The following BMPR2 variants were observed in gnomAD, a reference collection of about 807,000 sequenced individuals.
BMPR2 encodes bone morphogenetic protein receptor type-2.
A neutral mutation model predicts 100.8 loss-of-function variants in BMPR2; 29 were observed. That is an observed-to-expected ratio of 0.29 (90% confidence interval 0.21 to 0.39). The LOEUF is 0.39. Among genes scored for constraint, BMPR2 ranks in the 10% least tolerant of loss-of-function variants. The pLI is 1.00. For synonymous variants in BMPR2, 382 were observed against 442.3 expected, an observed-to-expected ratio of 0.86 and a Z score of 1.71; for missense variants, 1,011 against 1,274.5, an observed-to-expected ratio of 0.79 and a Z score of 3.15.
rs530701255 is a variant in BMPR2 at position 202,430,681 on chromosome 2, C to G, written c.77-34128C>G. ...CATTTTATAACATTAACAACTTGGACAGGCGCGGTGGATCACACCTGTAAT... is the reference window on the plus strand; with the variant it reads ...CATTTTATAACATTAACAACTTGGAGAGGCGCGGTGGATCACACCTGTAAT... On this transcript the variant is annotated intron_variant, in intron 1 of 12. Coordinates refer to ENST00000374580, the MANE Select transcript of BMPR2 (RefSeq NM_001204.7). Among the ~76,000 whole-genome samples the G allele has an allele frequency of 1.9e-3, 283 of 152,134 alleles. 1 individual carries two copies. The highest frequency in any genetic ancestry group is 6.4e-3 in the African/African-American group (265 of 41,462).
At chr2:202,509,234 A>G (rs963729375) in intron 3 of BMPR2, among the ~76,000 whole-genome samples, 1 of 152,066 alleles carries the variant, frequency 6.6e-6, no homozygotes, top group Non-Finnish European at 1.5e-5. Context: ...AAAATTAAGT[A>G]CCATGTATAT....
At chr2:202,403,045 C>G (rs1254846764) in intron 1 of BMPR2, among the ~76,000 whole-genome samples, 1 of 151,776 alleles carries the variant, frequency 6.6e-6, no homozygotes, top group Admixed American at 6.6e-5. Context: ...TCAGGCTGGT[C>G]TCAAACTCCG....
chr2:202,517,477 C>T (rs1445052943), intron 5 of BMPR2, among the ~76,000 whole-genome samples: 3 of 151,654 alleles, frequency 2.0e-5, no homozygotes, highest in Non-Finnish European at 2.9e-5. Flanking sequence ...ATTTAAGTCT[C>T]CACAAAAGTG....
At chr2:202,550,508 A>G (rs1018059004) in intron 10 of BMPR2, among the ~76,000 whole-genome samples, 11 of 152,108 alleles carry the variant, frequency 7.2e-5, no homozygotes, top group African/African-American at 2.7e-4. Flanking sequence ...ATGAGCCACC[A>G]TGCCTAGCCT....
At chr2:202,542,095 AG>A (rs1391021040) in intron 9 of BMPR2, among the ~76,000 whole-genome samples, 1 of 151,766 alleles carries the variant, frequency 6.6e-6, no homozygotes. Flanking sequence ...TGGGCAACAG[AG>A]TAAGACTCCG....
chr2:202,530,978 C>G (rs1307408864), intron 8 of BMPR2, 24 bp downstream of exon 8: 1 of 1,612,790 alleles, frequency 6.2e-7, no homozygotes, highest in South Asian at 1.1e-5. Context: ...AAAGGTATCA[C>G]ACTGATGTAC....
At chr2:202,517,625 C>T (rs576332749) in intron 5 of BMPR2, among the ~76,000 whole-genome samples, 2 of 152,184 alleles carry the variant, frequency 1.3e-5, no homozygotes, top group East Asian at 1.9e-4. Flanking sequence ...GCTGGGATTA[C>T]AGGCGTGAGC....
intron 1 of BMPR2, among the ~76,000 whole-genome samples, chr2:202,427,797 G>A (rs1691419928): frequency 6.6e-6 from 1 of 151,974 alleles, no homozygotes; most frequent in South Asian, 2.1e-4. Flanking sequence ...GGGCAACATG[G>A]CCAAACCCCA....
chr2:202,496,865 G>A (rs765484898), intron 3 of BMPR2, among the ~76,000 whole-genome samples: 5 of 152,248 alleles, frequency 3.3e-5, no homozygotes, highest in Non-Finnish European at 7.3e-5. Context: ...TTCTGGGCTG[G>A]CCGAGGCCGG....
chr2:202,410,832 G>A (rs1212379025), intron 1 of BMPR2, among the ~76,000 whole-genome samples: 1 of 152,104 alleles, frequency 6.6e-6, no homozygotes, highest in East Asian at 1.9e-4. Context: ...GCCCGCCTCG[G>A]CCTCCCAAAG....
At chr2:202,466,599 A>G (rs1456902259) in intron 2 of BMPR2, among the ~76,000 whole-genome samples, 1 of 150,194 alleles carries the variant, frequency 6.7e-6, no homozygotes, top group Non-Finnish European at 1.5e-5. Context: ...TTTCTGATAT[A>G]TATTATTTAT....
intron 1 of BMPR2, among the ~76,000 whole-genome samples, chr2:202,377,976 A>G (rs754770484): frequency 1.3e-5 from 2 of 152,248 alleles, no homozygotes; most frequent in Admixed American, 6.5e-5. Flanking sequence ...AACATCAACT[A>G]GAGAACACAC....
intron 9 of BMPR2, among the ~76,000 whole-genome samples, chr2:202,534,607 C>T (rs1688092671): frequency 6.6e-6 from 1 of 152,208 alleles, no homozygotes; most frequent in Non-Finnish European, 1.5e-5. Flanking sequence ...GATCCCAAGG[C>T]AGAAGAAGTT....
At chr2:202,429,130 T>C (rs1453150885) in intron 1 of BMPR2, among the ~76,000 whole-genome samples, 1 of 152,258 alleles carries the variant, frequency 6.6e-6, no homozygotes, top group Non-Finnish European at 1.5e-5. Context: ...CCTTGTATTA[T>C]TGCAGTAGGT....
rs143868151 is a variant in BMPR2, at chr2:202,419,917, C to A, written c.76+42367C>A. On this transcript the variant is annotated intron_variant, in intron 1 of 12. Coordinates refer to ENST00000374580, the MANE Select transcript of BMPR2 (RefSeq NM_001204.7). ...TAATACGCGCACTTTGGGTGGCCAA[C>A]GCAGGAGGATGGCTTTAGGCCAGGA... Among the ~76,000 whole-genome samples, 214 of 152,186 alleles carry A rather than the reference C, an allele frequency of 1.4e-3. 2 individuals carry two copies. The East Asian group carries it at 0.039, about 28-fold the overall frequency.
chr2:202,516,980 G>C (rs1268760598), intron 5 of BMPR2, among the ~76,000 whole-genome samples: 1 of 152,042 alleles, frequency 6.6e-6, no homozygotes, highest in Admixed American at 6.6e-5. Flanking sequence ...AACGAGAATG[G>C]GTTACATTTT....
intron 1 of BMPR2, among the ~76,000 whole-genome samples, chr2:202,447,887 T>C (rs1273779103): frequency 1.3e-5 from 2 of 150,576 alleles, no homozygotes; most frequent in African/African-American, 5.0e-5. Context: ...AGAATGTTTC[T>C]AGGATATTCA....
In BMPR2 at chr2:202,562,534, A is replaced by T. The variant is rs1298564485; in HGVS notation, c.*2588A>T. The T allele has an allele frequency of 6.6e-6, 1 of 152,618 alleles. No homozygotes were observed. Among genetic ancestry groups the T allele is most frequent in the Admixed American group, 6.5e-5 (1 of 15,282 alleles). 9.5% of individuals were successfully genotyped at this position (152,618 alleles called of 1,614,324 possible). A position where few individuals can be genotyped will look rare whatever the true frequency, so the allele number is the denominator to read the frequency against. ...TTTTAAATGACTTAATTGTATGCTA[A>T]TACTCATCTGATAATAAATGCTTCT... On this transcript the variant is annotated 3_prime_UTR_variant, in exon 13 of 13. Coordinates refer to ENST00000374580, the MANE Select transcript of BMPR2 (RefSeq NM_001204.7).
chr2:202,554,093 A>G (rs2105710096), intron 11 of BMPR2, among the ~76,000 whole-genome samples: 1 of 152,332 alleles, frequency 6.6e-6, no homozygotes, highest in Admixed American at 6.5e-5. Flanking sequence ...TTCAAATATA[A>G]ACTCTTATAC....
Sources: gnomAD v4.1 joint callset for allele counts (sites outside exome capture counted in the v4.1 genomes callset) on GRCh38, gnomAD v4.1.1 for gene constraint, MANE v1.5 for transcripts, NCBI Gene and HGNC (gene_info 2026-07-23, HGNC 2026-07-21) for gene names.